SNTB2: variants seen among roughly 807,000 people sequenced by gnomAD.
SNTB2 encodes syntrophin beta 2.
Under a neutral mutation model 46.2 loss-of-function variants are expected in SNTB2, and 34 were observed. The ratio of observed to expected loss-of-function variants is 0.74; its 90% confidence interval spans 0.56 to 0.98. The LOEUF (loss-of-function observed/expected upper bound fraction) is 0.98, where lower values mean the gene tolerates loss of function less well. Among genes scored for constraint, SNTB2 ranks in the 50% least tolerant of loss-of-function variants. SNTB2 has a pLI of 0.00. For synonymous variants in SNTB2, 290 were observed against 312.6 expected, an observed-to-expected ratio of 0.93 and a Z score of 0.76; for missense variants, 603 against 731.4, an observed-to-expected ratio of 0.82 and a Z score of 2.02.
chr16:69,291,592 T>A (rs1965159532), intron 5 of SNTB2, among the ~76,000 whole-genome samples: 1 of 151,930 alleles, frequency 6.6e-6, no homozygotes, highest in Admixed American at 6.6e-5. Flanking sequence ...ACCTGTAGTC[T>A]TAGCTATTTG....
chr16:69,280,802 CT>C (rs35066494), intron 4 of SNTB2, among the ~76,000 whole-genome samples: 7,206 of 146,180 alleles, frequency 0.049, 211 homozygotes, highest in Non-Finnish European at 0.07. Flanking sequence ...TTCATTCTCT[CT>C]TTTTTTTTTT....
intron 1 of SNTB2, among the ~76,000 whole-genome samples, chr16:69,202,167 G>A (rs1324513283): frequency 2.0e-5 from 3 of 152,148 alleles, no homozygotes; most frequent in African/African-American, 7.2e-5. Flanking sequence ...TAATGAAGGG[G>A]CTAGAGTTTC....
In SNTB2 at chr16:69,303,901, A is replaced by G. The variant is rs1037972096; in HGVS notation, c.*2977A>G. On this transcript the variant is annotated 3_prime_UTR_variant, in exon 7 of 7. Coordinates refer to ENST00000336278, the MANE Select transcript of SNTB2 (RefSeq NM_006750.4). ...TTCTTTTTCATTTTGAATTAAGAAAATTGTTGAGGATGTGGTGGGTTCCAG... is the reference window on the plus strand; with the variant it reads ...TTCTTTTTCATTTTGAATTAAGAAAGTTGTTGAGGATGTGGTGGGTTCCAG... The G allele has an allele frequency of 1.3e-5, 2 of 152,216 alleles. No individual in the cohort carries two copies. Among genetic ancestry groups the G allele is most frequent in the African/African-American group, 4.8e-5 (2 of 41,446 alleles). The allele number at this position is 152,216 out of a possible 1,614,324, so 9.4% of individuals were successfully genotyped here.
Position 69,198,118 on chromosome 16 carries a change from T to TG in SNTB2, c.580+10378dup, listed in dbSNP as rs1158116082. On this transcript the variant is annotated intron_variant, in intron 1 of 6. Transcript: ENST00000336278. ...AGTTGATTTTTTTTTTTTTTTTTTTTGGGGGGTAGGGGAACAGAGCCTCGC... is the reference window on the plus strand; with the variant it reads ...AGTTGATTTTTTTTTTTTTTTTTTTTGGGGGGGTAGGGGAACAGAGCCTCGC... 4.4e-4 allele frequency among the ~76,000 whole-genome samples: 60 copies of TG among 135,248 alleles called. 1 individual carries two copies. Among genetic ancestry groups the TG allele is most frequent in the South Asian group, 1.2e-3 (5 of 4,174 alleles). The allele number at this position is 135,248 out of a possible 152,430, so 88.7% of individuals were successfully genotyped here. A position where few individuals can be genotyped will look rare whatever the true frequency, so the allele number is the denominator to read the frequency against.
chr16:69,252,076 C>T (rs921157956), intron 2 of SNTB2, among the ~76,000 whole-genome samples: 2 of 152,072 alleles, frequency 1.3e-5, no homozygotes, highest in Non-Finnish European at 2.9e-5. Flanking sequence ...GTGATGGGTG[C>T]GTAGTGGAAT....
chr16:69,222,573 A>C, intron 1 of SNTB2, among the ~76,000 whole-genome samples: 1 of 151,314 alleles, frequency 6.6e-6, no homozygotes. Flanking sequence ...AGCCCAGGCC[A>C]CAGAGTGAGA....
intron 5 of SNTB2, among the ~76,000 whole-genome samples, chr16:69,296,052 G>T (rs1387116264): frequency 6.6e-6 from 1 of 152,090 alleles, no homozygotes; most frequent in African/African-American, 2.4e-5. Flanking sequence ...GGCCGAGGCG[G>T]GTGGATCACC....
rs929684036 is a variant in SNTB2, at chr16:69,274,173, G to A, written c.1148+3888G>A. On this transcript the variant is annotated intron_variant, in intron 4 of 6. Coordinates refer to ENST00000336278, the MANE Select transcript of SNTB2 (RefSeq NM_006750.4). ...CTAAAAATACAAAAATTAGCCCAGC[G>A]TGGTGGCATATGCCCGTAATCCCAG... is the stretch of plus-strand genomic sequence containing the variant. Among the ~76,000 whole-genome samples the A allele has an allele frequency of 5.3e-5, 8 of 151,728 alleles. No homozygotes were observed. The East Asian group carries it at 5.8e-4, about 11-fold the overall frequency.
intron 4 of SNTB2, among the ~76,000 whole-genome samples, chr16:69,280,632 A>G (rs1283136660): frequency 3.3e-5 from 5 of 151,794 alleles, no homozygotes; most frequent in Non-Finnish European, 7.4e-5. Context: ...CTGGCCGGGC[A>G]GAGGGGCTCC....
At chr16:69,194,252 G>A (rs1964083224) in intron 1 of SNTB2, among the ~76,000 whole-genome samples, 1 of 152,084 alleles carries the variant, frequency 6.6e-6, no homozygotes, top group Non-Finnish European at 1.5e-5. Context: ...GCCCCTCTTG[G>A]GATGAGATGA....
At chr16:69,218,798 A>G (rs1395497201) in intron 1 of SNTB2, among the ~76,000 whole-genome samples, 2 of 152,212 alleles carry the variant, frequency 1.3e-5, no homozygotes, top group African/African-American at 4.8e-5. Context: ...GCAGCACTCT[A>G]TGATAATCAT....
chr16:69,216,531 A>G (rs892144927), intron 1 of SNTB2, among the ~76,000 whole-genome samples: 1 of 151,894 alleles, frequency 6.6e-6, no homozygotes, highest in African/African-American at 2.4e-5. Flanking sequence ...ATTAAAAAAA[A>G]AAAAAAATTA....
rs180843981 is a variant in SNTB2, at chr16:69,236,894, C to T, written c.581-8708C>T. ...CTTGATCGAGCATGAGAATTAACCACCTGGGCAACCTTTAATAAAATACAG... is the reference window on the plus strand; with the variant it reads ...CTTGATCGAGCATGAGAATTAACCATCTGGGCAACCTTTAATAAAATACAG... On this transcript the variant is annotated intron_variant, in intron 1 of 6. Coordinates refer to ENST00000336278, the MANE Select transcript of SNTB2 (RefSeq NM_006750.4). Among the ~76,000 whole-genome samples, 6 of 152,238 alleles carry T rather than the reference C, an allele frequency of 3.9e-5. No homozygotes were observed. In the East Asian group the frequency reaches 9.7e-4, roughly 25 times the overall value.
intron 1 of SNTB2, among the ~76,000 whole-genome samples, chr16:69,196,760 G>A (rs1257761651): frequency 6.6e-6 from 1 of 152,180 alleles, no homozygotes; most frequent in African/African-American, 2.4e-5. Context: ...AGATTAAACA[G>A]TCAGTGCAAG....
At chr16:69,244,515 T>A (rs1326215940) in intron 1 of SNTB2, among the ~76,000 whole-genome samples, 1 of 152,240 alleles carries the variant, frequency 6.6e-6, no homozygotes, top group African/African-American at 2.4e-5. Flanking sequence ...TGTACCACTG[T>A]GCCCAGCCAG....
intron 1 of SNTB2, among the ~76,000 whole-genome samples, chr16:69,226,143 C>G (rs2152294286): frequency 6.6e-6 from 1 of 152,250 alleles, no homozygotes; most frequent in African/African-American, 2.4e-5. Flanking sequence ...GTGATCTCGG[C>G]TCACTGCAAC....
intron 3 of SNTB2, among the ~76,000 whole-genome samples, chr16:69,269,551 C>A (rs1336577334): frequency 1.3e-5 from 2 of 151,972 alleles, no homozygotes; most frequent in Non-Finnish European, 2.9e-5. Context: ...GATTACATTG[C>A]ACAAAATAAG....
chr16:69,258,176 GA>G (rs1964796481), intron 2 of SNTB2, among the ~76,000 whole-genome samples: 1 of 152,112 alleles, frequency 6.6e-6, no homozygotes, highest in African/African-American at 2.4e-5. Context: ...ATAATGTAAA[GA>G]AAACTCTCTC....
intron 2 of SNTB2, among the ~76,000 whole-genome samples, chr16:69,250,185 G>A (rs138270956): frequency 1.6e-3 from 239 of 152,252 alleles, no homozygotes; most frequent in Non-Finnish European, 2.9e-3. Flanking sequence ...ACTTATACTC[G>A]CATTTCCATG....
Sources: gnomAD v4.1 joint callset for allele counts (sites outside exome capture counted in the v4.1 genomes callset) on GRCh38, gnomAD v4.1.1 for gene constraint, MANE v1.5 for transcripts, NCBI Gene and HGNC (gene_info 2026-07-23, HGNC 2026-07-21) for gene names.